LRP2: variants seen among roughly 807,000 people sequenced by gnomAD.
The protein encoded by LRP2 is low-density lipoprotein receptor-related protein 2.
Under a neutral mutation model 531.0 loss-of-function variants are expected in LRP2, and 172 were observed. The ratio of observed to expected loss-of-function variants is 0.32; its 90% CI spans 0.29 to 0.37. The LOEUF (loss-of-function observed/expected upper bound fraction) is 0.37. Ranked by LOEUF, LRP2 falls within the 10% of genes least tolerant of loss-of-function variation. LRP2 has a pLI of 1.00. For missense variants in LRP2, 5,167 were observed against 5,868.3 expected, an observed-to-expected ratio of 0.88 and a Z score of 3.90; for synonymous variants, 1,992 against 2,027.6, an observed-to-expected ratio of 0.98 and a Z score of 0.47.
chr2:169,193,698 A>C, intron 47 of LRP2, 63 bp downstream of exon 47: 1 of 1,606,694 alleles, frequency 6.2e-7, no homozygotes, highest in Non-Finnish European at 8.5e-7. Context: ...AAACACAGAA[A>C]AACAACTCTA....
chr2:169,262,138 A>G (rs1690581896), intron 16 of LRP2, among the ~76,000 whole-genome samples: 1 of 150,866 alleles, frequency 6.6e-6, no homozygotes, highest in Admixed American at 6.6e-5. Context: ...AGCCAATATC[A>G]TACTGAATGG....
chr2:169,177,701 T>C, intron 53 of LRP2, 102 bp downstream of exon 53: 1 of 985,734 alleles, frequency 1.0e-6, no homozygotes, highest in Non-Finnish European at 1.6e-6. Context: ...CACTAACAAG[T>C]GCAACAAACT....
intron 54 of LRP2, 140 bp downstream of exon 54, chr2:169,176,271 G>T: frequency 1.1e-6 from 1 of 884,746 alleles, no homozygotes; most frequent in Non-Finnish European, 1.8e-6. Context: ...GAGGCTGAGA[G>T]TCTTGCTGTG....
At chr2:169,241,578 A>G (rs1417222099) in intron 24 of LRP2, among the ~76,000 whole-genome samples, 1 of 152,210 alleles carries the variant, frequency 6.6e-6, no homozygotes, top group African/African-American at 2.4e-5. Context: ...TCTGACAACA[A>G]ACGAAGTACA....
rs138855026 is a variant in LRP2, at chr2:169,186,841, G to A, written c.9329-822C>T. On this transcript the variant is annotated intron_variant, in intron 49 of 78. Coordinates refer to ENST00000649046, the MANE Select transcript of LRP2 (RefSeq NM_004525.3). Reference sequence around the variant, plus strand: ...TTAATTTGAATTATGTACTATTGAGGATTTAATTCTTATAGTTGAGGTAAG... The same window carrying A: ...TTAATTTGAATTATGTACTATTGAGAATTTAATTCTTATAGTTGAGGTAAG... 9.8e-3 allele frequency among the ~76,000 whole-genome samples: 1,494 copies of A among 152,262 alleles called. 22 individuals are homozygous for A. Among genetic ancestry groups the A allele is most frequent in the African/African-American group, 0.033 (1,375 of 41,564 alleles).
In LRP2 at chr2:169,244,612, G is replaced by A. The variant is rs1689934093; in HGVS notation, c.3430+81C>T. On this transcript the variant is annotated intron_variant, in intron 22 of 78. Transcript: ENST00000649046. ...GACAATGAAAATTGCATGAGCCTTA[G>A]AGGAAAGAATGCAAGGCCATTTGGT... The A allele has an allele frequency of 8.3e-6, 13 of 1,564,352 alleles. No homozygotes were observed. The South Asian group carries it at 1.1e-4, about 13-fold the overall frequency.
At chr2:169,334,774 T>C (rs924283491) in intron 1 of LRP2, among the ~76,000 whole-genome samples, 98 of 152,192 alleles carry the variant, frequency 6.4e-4, no homozygotes, top group African/African-American at 2.4e-3. Flanking sequence ...TTTAAACTGA[T>C]ACAGTATGCA....
intron 31 of LRP2, among the ~76,000 whole-genome samples, chr2:169,229,946 G>A (rs1689341550): frequency 6.6e-6 from 1 of 151,862 alleles, no homozygotes; most frequent in Admixed American, 6.6e-5. Context: ...TTCTTGTTGG[G>A]GAAAAAAAAA....
At chr2:169,314,941 G>T (rs1006463680) in intron 3 of LRP2, among the ~76,000 whole-genome samples, 1 of 152,044 alleles carries the variant, frequency 6.6e-6, no homozygotes. Context: ...GCAAGTCATG[G>T]GTTGTCTCAA....
In LRP2 at chr2:169,325,851, A is replaced by C. The variant is rs548225493; in HGVS notation, c.80-4967T>G. Among the ~76,000 whole-genome samples, 10 of 152,222 alleles carry C rather than the reference A, an allele frequency of 6.6e-5. No individual in the cohort carries two copies. The South Asian group carries it at 1.9e-3, about 28-fold the overall frequency. ...ACCACTGAATAGACTGCTTTGTCCCAATTATTGATTCAGAGCCCTGATGTT... is the reference window on the plus strand; with the variant it reads ...ACCACTGAATAGACTGCTTTGTCCCCATTATTGATTCAGAGCCCTGATGTT... On this transcript the variant is annotated intron_variant, in intron 1 of 78. Coordinates refer to ENST00000649046, the MANE Select transcript of LRP2 (RefSeq NM_004525.3).
rs1198550361 is a variant in LRP2, at chr2:169,206,020, T to C, written c.7556+3A>G. Reference sequence around the variant, plus strand: ...AAATATAACAAGGAAGATGATGGCATACCCTTGGCAGGGATCTAACACAAT... The same window carrying C: ...AAATATAACAAGGAAGATGATGGCACACCCTTGGCAGGGATCTAACACAAT... On this transcript the variant is annotated splice_donor_region_variant and intron_variant, in intron 40 of 78. Coordinates refer to ENST00000649046, the MANE Select transcript of LRP2 (RefSeq NM_004525.3). The C allele has an allele frequency of 6.2e-7, 1 of 1,614,208 alleles. No homozygotes were observed. The highest frequency in any genetic ancestry group is 1.1e-5 in the South Asian group (1 of 91,084).
rs1390434060 is a variant in LRP2 at position 169,231,789 on chromosome 2, G to C, written c.5152C>G (p.Gln1718Glu). 31 of 1,614,014 alleles carry C rather than the reference G, an allele frequency of 1.9e-5. No homozygotes were observed. The highest frequency in any genetic ancestry group is 2.7e-5 in the African/African-American group (2 of 74,916). The change falls in exon 31 of 79, where the codon CAG becomes GAG. Residue 1718 changes from glutamine to glutamate, a missense_variant. Gln to Glu is a conservative substitution (Grantham distance 29). This residue lies in a region of LRP2 where 2,811 missense variants were observed against 3,058.0 expected (regional missense o/e 0.92). Transcript: ENST00000649046. ...ACACAGGAGTAAAAATGAGGCCCCT[G>C]TGAGGAAAGCAGGCAGAGATGGCTG... ...RCSHLCLLSSQGPHFYSCVCP... is the reference protein window; with the variant it reads ...RCSHLCLLSSEGPHFYSCVCP...
At chr2:169,322,748 G>A (rs1052238055) in intron 1 of LRP2, among the ~76,000 whole-genome samples, 5 of 152,178 alleles carry the variant, frequency 3.3e-5, no homozygotes, top group African/African-American at 1.2e-4. Flanking sequence ...CTTAGTATCT[G>A]AGGTTGTAAA....
chr2:169,334,796 T>C (rs771446416), intron 1 of LRP2, among the ~76,000 whole-genome samples: 2 of 152,186 alleles, frequency 1.3e-5, no homozygotes, highest in Non-Finnish European at 2.9e-5. Flanking sequence ...TTTTCTTACC[T>C]ACAAAATTTC....
At chr2:169,146,227 G>A (rs1236580587) in intron 69 of LRP2, among the ~76,000 whole-genome samples, 2 of 152,114 alleles carry the variant, frequency 1.3e-5, no homozygotes, top group Non-Finnish European at 2.9e-5. Context: ...AATTTAAATG[G>A]CAAGATTTTA....
At chr2:169,354,793 C>T (rs1231341217) in intron 1 of LRP2, among the ~76,000 whole-genome samples, 1 of 152,164 alleles carries the variant, frequency 6.6e-6, no homozygotes, top group Admixed American at 6.5e-5. Flanking sequence ...CGTGTTCTAC[C>T]ATTTATGAAA....
chr2:169,145,098 T>C (rs1685860653), intron 70 of LRP2, among the ~76,000 whole-genome samples: 3 of 152,214 alleles, frequency 2.0e-5, no homozygotes, highest in Non-Finnish European at 2.9e-5. Flanking sequence ...TATAAGGTAA[T>C]TGAAGTAATA....
intron 11 of LRP2, among the ~76,000 whole-genome samples, chr2:169,280,117 C>G (rs1284575936): frequency 6.6e-6 from 1 of 152,162 alleles, no homozygotes; most frequent in Non-Finnish European, 1.5e-5. Flanking sequence ...CTCCTGGACT[C>G]CACTTCGAAT....
Position 169,246,986 on chromosome 2 carries a change from C to A in LRP2, c.2909G>T (p.Gly970Val), listed in dbSNP as rs753885859. ...LKSYDVNIQT[G>V]SNACNQPTHP... is the part of the protein sequence containing the mutation. ...CGTGGGTTGATTACAGGCGTTAGAA[C>A]CTGCAAAAGCAAAGCCCCGAGGGAG... The change falls in exon 21 of 79, where the codon GGT becomes GTT. Residue 970 changes from glycine to valine, a missense_variant and splice_region_variant. This residue lies in a region of LRP2 where 2,811 missense variants were observed against 3,058.0 expected (regional missense o/e 0.92). Coordinates refer to ENST00000649046, the MANE Select transcript of LRP2 (RefSeq NM_004525.3). 30 of 1,613,902 alleles carry A rather than the reference C, an allele frequency of 1.9e-5. No homozygotes were observed. In the Admixed American group the frequency reaches 3.0e-4, roughly 16 times the overall value.
Sources: gnomAD v4.1 joint callset for allele counts (sites outside exome capture counted in the v4.1 genomes callset) on GRCh38, gnomAD v4.1.1 for gene constraint, gnomAD v4.1.1 regional missense constraint, MANE v1.5 for transcripts, NCBI Gene and HGNC (gene_info 2026-07-23, HGNC 2026-07-21) for gene names.